The following EYS variants were observed in gnomAD, a reference collection of about 807,000 sequenced individuals.
EYS encodes the protein protein eyes shut homolog.
EYS carries 250 observed loss-of-function variants against 282.1 expected under a neutral mutation model. That is an observed-to-expected ratio of 0.89 (90% CI 0.80 to 0.98). The LOEUF is 0.98. Among genes scored for constraint, EYS ranks in the 50% least tolerant of loss-of-function variants. The probability of loss-of-function intolerance (pLI) is 0.00; values close to 1 mark genes in which losing one functional copy is unlikely to be tolerated. For synonymous variants in EYS, 1,355 were observed against 1,282.9 expected (o/e 1.06, Z -1.20); for missense variants, 4,016 against 3,709.0 (o/e 1.08, Z -2.15).
At chr6:64,693,267 C>A (rs1770464465) in intron 22 of EYS, among the ~76,000 whole-genome samples, 1 of 151,682 alleles carries the variant, frequency 6.6e-6, no homozygotes, top group Admixed American at 6.6e-5. Flanking sequence ...ATGTCTTGAT[C>A]TTAATTTCAT....
intron 26 of EYS, among the ~76,000 whole-genome samples, chr6:64,569,947 C>G (rs1178730714): frequency 6.6e-6 from 1 of 152,076 alleles, no homozygotes; most frequent in Non-Finnish European, 1.5e-5. Flanking sequence ...GAGAACAGCA[C>G]AAAGATACTC....
chr6:64,412,647 G>A (rs1175272054), intron 28 of EYS: 1 of 152,062 alleles, frequency 6.6e-6, no homozygotes, highest in African/African-American at 2.4e-5. Flanking sequence ...AACCTCAAGT[G>A]TGTCAGCTGT....
At chr6:64,604,357 T>C (rs17482667) in intron 24 of EYS, among the ~76,000 whole-genome samples, 14,899 of 152,044 alleles carry the variant, frequency 0.098, 906 homozygotes, top group East Asian at 0.16. Context: ...TTCAAATCAG[T>C]TTTCATCTTT....
At chr6:64,946,253 A>G (rs1338118955) in intron 14 of EYS, among the ~76,000 whole-genome samples, 1 of 152,060 alleles carries the variant, frequency 6.6e-6, no homozygotes, top group African/African-American at 2.4e-5. Context: ...ATGATGGAGT[A>G]TAACTAAATA....
At chr6:63,822,874 TG>T (rs1450038775) in intron 36 of EYS, among the ~76,000 whole-genome samples, 1 of 152,226 alleles carries the variant, frequency 6.6e-6, no homozygotes, top group East Asian at 1.9e-4. Context: ...TATGTGCTTT[TG>T]GTTTCAAACT....
chr6:65,642,423 G>A (rs774794367), intron 1 of EYS, among the ~76,000 whole-genome samples: 2 of 152,022 alleles, frequency 1.3e-5, no homozygotes, highest in South Asian at 2.1e-4. Context: ...TTCAGTCAAC[G>A]GGGGCATTAC....
intron 11 of EYS, among the ~76,000 whole-genome samples, chr6:65,326,949 C>T (rs979217803): frequency 6.6e-6 from 1 of 151,494 alleles, no homozygotes; most frequent in Non-Finnish European, 1.5e-5. Context: ...TAAATCAATT[C>T]TTTTATTTTA....
chr6:64,097,020 C>A (rs777533712), intron 31 of EYS, among the ~76,000 whole-genome samples: 2 of 152,158 alleles, frequency 1.3e-5, no homozygotes, highest in African/African-American at 4.8e-5. Context: ...AGGTCCACTC[C>A]AGACCCTTTT....
chr6:65,409,865 AACAG>A (rs1244724219), intron 5 of EYS, among the ~76,000 whole-genome samples: 2 of 152,194 alleles, frequency 1.3e-5, no homozygotes, highest in East Asian at 3.9e-4. Context: ...CAGTTTGTAA[AACAG>A]ACAGTCATAA....
intron 5 of EYS, among the ~76,000 whole-genome samples, chr6:65,483,679 A>G (rs1251251805): frequency 1.3e-5 from 2 of 152,136 alleles, no homozygotes; most frequent in Non-Finnish European, 2.9e-5. Flanking sequence ...GTATCAAATA[A>G]AGAGATAGAT....
intron 19 of EYS, among the ~76,000 whole-genome samples, chr6:64,850,813 T>C (rs935148205): frequency 2.6e-5 from 4 of 152,084 alleles, no homozygotes; most frequent in Non-Finnish European, 5.9e-5. Context: ...TCAGATAGAA[T>C]ATTAGACTAG....
intron 31 of EYS, among the ~76,000 whole-genome samples, chr6:64,177,284 A>AT (rs1764665655): frequency 6.7e-6 from 1 of 149,804 alleles, no homozygotes; most frequent in Non-Finnish European, 1.5e-5. Flanking sequence ...TTTTCTATTC[A>AT]TTTTCAGAAA....
At chr6:65,363,829 A>G (rs1764809107) in intron 8 of EYS, among the ~76,000 whole-genome samples, 2 of 151,808 alleles carry the variant, frequency 1.3e-5, no homozygotes, top group Admixed American at 1.3e-4. Flanking sequence ...CCCTCAAAAT[A>G]CCTTATTATA....
chr6:64,082,484 A>C (rs1185905424), intron 31 of EYS, among the ~76,000 whole-genome samples: 2 of 152,174 alleles, frequency 1.3e-5, no homozygotes, highest in East Asian at 3.8e-4. Flanking sequence ...AGTATCCATC[A>C]CCTTAAGCAT....
rs567779767 is a variant in EYS at position 64,997,787 on chromosome 6, C to T, written c.2138-84G>A. 2.1e-5 allele frequency: 26 copies of T among 1,264,378 alleles called. No homozygotes were observed. In the East Asian group the frequency reaches 6.3e-4, roughly 31 times the overall value. The allele number at this position is 1,264,378 out of a possible 1,614,324, so 78.3% of individuals were successfully genotyped here. ...TATAATTAGTCTAAAATTCTATAATCATTTATGTAGTTCACTTTTAACCAA... is the reference window on the plus strand; with the variant it reads ...TATAATTAGTCTAAAATTCTATAATTATTTATGTAGTTCACTTTTAACCAA... On this transcript the variant is annotated intron_variant, in intron 13 of 42. Coordinates refer to ENST00000503581, the MANE Select transcript of EYS (RefSeq NM_001142800.2).
At chr6:65,113,338 A>C (rs4501412) in intron 12 of EYS, among the ~76,000 whole-genome samples, 39,810 of 151,872 alleles carry the variant, frequency 0.26, 6,403 homozygotes, top group African/African-American at 0.45. Context: ...GACAATCTAT[A>C]TGATGAGTAG....
At chr6:64,218,039 T>A (rs1271145642) in intron 31 of EYS, among the ~76,000 whole-genome samples, 2 of 152,178 alleles carry the variant, frequency 1.3e-5, no homozygotes, top group African/African-American at 2.4e-5. Flanking sequence ...AGACACATGA[T>A]CTATGAGAAC....
intron 12 of EYS, among the ~76,000 whole-genome samples, chr6:65,287,442 T>C (rs1768397449): frequency 6.6e-6 from 1 of 151,570 alleles, no homozygotes; most frequent in Non-Finnish European, 1.5e-5. Flanking sequence ...AAATCCCAGA[T>C]GTGCATACAA....
intron 10 of EYS, among the ~76,000 whole-genome samples, chr6:65,341,915 T>G (rs1307888755): frequency 6.6e-6 from 1 of 151,272 alleles, no homozygotes; most frequent in Non-Finnish European, 1.5e-5. Flanking sequence ...TCTAGGATGA[T>G]TTTTCAGATA....
Sources: gnomAD v4.1 joint callset for allele counts (sites outside exome capture counted in the v4.1 genomes callset) on GRCh38, gnomAD v4.1.1 for gene constraint, MANE v1.5 for transcripts, NCBI Gene and HGNC (gene_info 2026-07-23, HGNC 2026-07-21) for gene names.